EHMT2: variants seen among roughly 807,000 people sequenced by gnomAD.
EHMT2 encodes the protein histone-lysine N-methyltransferase EHMT2.
Under a neutral mutation model 143.3 loss-of-function variants are expected in EHMT2, and 59 were observed. The ratio of observed to expected loss-of-function variants is 0.41; its 90% confidence interval spans 0.33 to 0.51. EHMT2 has a LOEUF of 0.51. EHMT2 is among the 20% of genes least tolerant of loss of function. The pLI is 0.18. For missense variants in EHMT2, 1,174 were observed against 1,645.9 expected, an observed-to-expected ratio of 0.71 and a Z score of 4.96; for synonymous variants, 604 against 651.5, an observed-to-expected ratio of 0.93 and a Z score of 1.11.
At chr6:31,887,232 G>A (rs963375493) in intron 15 of EHMT2, 131 bp from the exon 16 acceptor site, 9 of 736,762 alleles carry the variant, frequency 1.2e-5, no homozygotes, top group Non-Finnish European at 2.0e-5. Context: ...GGCATTCTCC[G>A]AGCTTGCCTC....
Position 31,881,094 on chromosome 6 carries a change from T to C in EHMT2, c.3198-2A>G. Reference sequence around the variant, plus strand: ...TCAGAGATCAGCTCCCCGACATACCTGTGGGACAGGAATCCATGGTTCTGA... The same window carrying C: ...TCAGAGATCAGCTCCCCGACATACCCGTGGGACAGGAATCCATGGTTCTGA... On this transcript the variant is annotated splice_acceptor_variant, in intron 25 of 27. Coordinates refer to ENST00000375537, the Ensembl canonical transcript of EHMT2. LOFTEE classifies it high-confidence loss of function. This position sits in a 1 kb window ranked among gnomAD's most constrained non-coding sequence, Gnocchi z 4.8. 1 of 1,612,526 alleles carries C rather than the reference T, an allele frequency of 6.2e-7. No homozygotes were observed. Among genetic ancestry groups the C allele is most frequent in the Non-Finnish European group, 8.5e-7 (1 of 1,179,622 alleles).
In EHMT2 at chr6:31,880,843, T is replaced by G. The variant is rs760616726; in HGVS notation, c.3282A>C (p.Gly1094=). 18 of 1,613,518 alleles carry G rather than the reference T, an allele frequency of 1.1e-5. No homozygotes were observed. The Admixed American group carries it at 3.0e-4, about 27-fold the overall frequency. Residue 1094 remains glycine, a synonymous_variant, in exon 27 of 28, where the codon GGA becomes GGC. Coordinates refer to ENST00000375537, the Ensembl canonical transcript of EHMT2. This position sits in a 1 kb window ranked among gnomAD's most constrained non-coding sequence, Gnocchi z 6.6. ...AACGGGCATCTATGCAGTACACCTC[T>G]CCATCCTGGGGCAGGGGGATGGCAC... is the stretch of plus-strand genomic sequence containing the variant.
intron 4 of EHMT2, chr6:31,893,191 G>A (rs1765927695): frequency 1.9e-6 from 1 of 523,780 alleles, no homozygotes; most frequent in African/African-American, 1.9e-5. Flanking sequence ...TTTTATATGT[G>A]GCCATATACA....
Position 31,883,692 on chromosome 6 carries a change from C to A in EHMT2, c.2916+114G>T, listed in dbSNP as rs2844458. 460,688 of 1,430,834 alleles carry A rather than the reference C, an allele frequency of 0.32. 80,984 individuals carry two copies. Among genetic ancestry groups the A allele is most frequent in the East Asian group, 0.53 (23,207 of 43,608 alleles). The allele number at this position is 1,430,834 out of a possible 1,614,324, so 88.6% of individuals were successfully genotyped here. Reference sequence around the variant, plus strand: ...GTGGGGATGCGACCCCACACCAGGGCTCCCTTTCAGCCAACCCTTCCTTGG... The same window carrying A: ...GTGGGGATGCGACCCCACACCAGGGATCCCTTTCAGCCAACCCTTCCTTGG... On this transcript the variant is annotated intron_variant, in intron 22 of 27. Coordinates refer to ENST00000375537, the Ensembl canonical transcript of EHMT2. The surrounding 1 kb of genome is among the most constrained non-coding windows in gnomAD (Gnocchi z 5.6).
chr6:31,896,881 G>T (rs751201146), intron 2 of EHMT2, 42 bp downstream of exon 2: 1 of 1,611,962 alleles, frequency 6.2e-7, no homozygotes, highest in South Asian at 1.1e-5. Flanking sequence ...TGTGTTTAGG[G>T]AAGGTGACGG....
rs762364621 is a variant in EHMT2, at chr6:31,880,064, A to G, written c.*20T>C. ...TGAGCTGTGGCCATCCATGCTGGGG[A>G]GAGAGGGTGTGGTCCGTTCTCATGT... On this transcript the variant is annotated 3_prime_UTR_variant, in exon 28 of 28. Coordinates refer to ENST00000375537, the Ensembl canonical transcript of EHMT2. This position sits in a 1 kb window ranked among gnomAD's most constrained non-coding sequence, Gnocchi z 6.6. 1.2e-6 allele frequency: 2 copies of G among 1,604,862 alleles called. No homozygotes were observed. Among genetic ancestry groups the G allele is most frequent in the Non-Finnish European group, 1.7e-6 (2 of 1,174,726 alleles).
At position 31,880,839 on chromosome 6, in the gene EHMT2, C is replaced by T; in HGVS notation, c.3286G>A (p.Val1096Met). Residue 1096 changes from valine to methionine, a missense_variant, in exon 27 of 28, where the codon GTG (valine) becomes ATG (methionine). Transcript: ENST00000375537. The surrounding 1 kb of genome is among the most constrained non-coding windows in gnomAD (Gnocchi z 6.6). ...TAGTAACGGGCATCTATGCAGTACA[C>T]CTCTCCATCCTGGGGCAGGGGGATG... is the stretch of plus-strand genomic sequence containing the variant. The T allele has an allele frequency of 6.2e-7, 1 of 1,613,734 alleles. No individual in the cohort carries two copies. The highest frequency in any genetic ancestry group is 8.5e-7 in the Non-Finnish European group (1 of 1,179,996).
In EHMT2 at chr6:31,896,598, C is replaced by A. The variant is rs558127772; in HGVS notation, c.328+8G>T. ...CCCACCAACCCCCCAGGCTACCCAG[C>A]CTCTCACCCAGCAGGATCCGGCCCC... On this transcript the variant is annotated splice_region_variant and intron_variant, in intron 3 of 27. Transcript: ENST00000375537. 3.7e-5 allele frequency: 58 copies of A among 1,586,414 alleles called. No homozygotes were observed. Among genetic ancestry groups the A allele is most frequent in the Non-Finnish European group, 5.0e-5 (58 of 1,166,478 alleles).
chr6:31,892,417 G>T, exon 7 of EHMT2: 1 of 1,612,878 alleles, frequency 6.2e-7, no homozygotes, highest in Non-Finnish European at 8.5e-7. Context: ...CTTGCTGTCG[G>T]AGTCCACGCG....
At chr6:31,892,340 A>G in intron 7 of EHMT2, 67 bp downstream of exon 7, 4 of 1,538,612 alleles carry the variant, frequency 2.6e-6, no homozygotes, top group Non-Finnish European at 3.5e-6. Flanking sequence ...GGGAACAAGG[A>G]GGACTGGACA....
intron 25 of EHMT2, among the ~76,000 whole-genome samples, 181 bp downstream of exon 25, chr6:31,882,518 T>C (rs1764238989): frequency 6.6e-6 from 1 of 151,214 alleles, no homozygotes; most frequent in African/African-American, 2.4e-5. Flanking sequence ...GCTGGGGGGA[T>C]GGGGGTCAGA....
intron 18 of EHMT2, chr6:31,886,031 A>G (rs9501598): frequency 0.065 from 9,944 of 152,090 alleles, 565 homozygotes; most frequent in African/African-American, 0.15. Flanking sequence ...AGCTTGCAGT[A>G]AGCTGTGATC....
exon 1 of EHMT2, chr6:31,897,652 G>A: frequency 8.6e-7 from 1 of 1,166,432 alleles, no homozygotes; most frequent in Non-Finnish European, 1.1e-6. Context: ...GGCCGCCGCC[G>A]CTGCAGCTCC....
At chr6:31,892,258 G>A in intron 7 of EHMT2, 149 bp downstream of exon 7, 1 of 870,846 alleles carries the variant, frequency 1.1e-6, no homozygotes. Flanking sequence ...CAAAAAAAAG[G>A]AGTTATAGAC....
Position 31,889,713 on chromosome 6 carries a change from G to A in EHMT2, c.865-111C>T, listed in dbSNP as rs1765441504. 5 of 1,378,394 alleles carry A rather than the reference G, an allele frequency of 3.6e-6. No homozygotes were observed. The highest frequency in any genetic ancestry group is 5.1e-6 in the Non-Finnish European group (5 of 988,668). The allele number at this position is 1,378,394 out of a possible 1,614,324, so 85.4% of individuals were successfully genotyped here. A position where few individuals can be genotyped will look rare whatever the true frequency, so the allele number is the denominator to read the frequency against. On this transcript the variant is annotated intron_variant, in intron 7 of 27. Transcript: ENST00000375537. This position sits in a 1 kb window ranked among gnomAD's most constrained non-coding sequence, Gnocchi z 5.1. Reference sequence around the variant, plus strand: ...CCGCCACTACCCACGGATGGCTGCTGGGGATAAGTGTGGGTAGCAGAGGAG... The same window carrying A: ...CCGCCACTACCCACGGATGGCTGCTAGGGATAAGTGTGGGTAGCAGAGGAG...
rs765112282 is a variant in EHMT2, at chr6:31,888,098, G to A, written c.1688C>T (p.Pro563Leu). ...ATCCTGGGACAGGGGTGGGGGTGCA[G>A]GAGCTGCAGTGCCGGCCGGTGGGGT... Residue 563 changes from proline (P) to leucine (L), a missense_variant, in exon 13 of 28, where the codon CCT becomes CTT. This residue lies in a region of EHMT2 where 608 missense variants were observed against 903.7 expected (regional missense o/e 0.67). Transcript: ENST00000375537. The surrounding 1 kb of genome is among the most constrained non-coding windows in gnomAD (Gnocchi z 7.4). 4.3e-6 allele frequency: 7 copies of A among 1,610,458 alleles called. No individual in the cohort carries two copies. The highest frequency in any genetic ancestry group is 1.7e-5 in the Admixed American group (1 of 59,796).
Position 31,880,016 on chromosome 6 carries a change from C to T in EHMT2, c.*68G>A, listed in dbSNP as rs1192050174. 1.9e-6 allele frequency: 3 copies of T among 1,550,358 alleles called. No homozygotes were observed. Among genetic ancestry groups the T allele is most frequent in the East Asian group, 4.6e-5 (2 of 43,668 alleles). ...AGCACCCCCAGGCATGGGCTGCGAG[C>T]AGCTGGTGGCAGAGGAGGCGGCTGA... On this transcript the variant is annotated 3_prime_UTR_variant, in exon 28 of 28. Transcript: ENST00000375537. This position sits in a 1 kb window ranked among gnomAD's most constrained non-coding sequence, Gnocchi z 6.6.
chr6:31,884,868 T>C lies in EHMT2; in HGVS notation c.2448+44A>G, dbSNP rs1280693574. 1.3e-6 allele frequency: 2 copies of C among 1,584,530 alleles called. No homozygotes were observed. Among genetic ancestry groups the C allele is most frequent in the African/African-American group, 1.3e-5 (1 of 74,450 alleles). On this transcript the variant is annotated intron_variant, in intron 19 of 27. Transcript: ENST00000375537. The surrounding 1 kb of genome is among the most constrained non-coding windows in gnomAD (Gnocchi z 7.3). Reference sequence around the variant, plus strand: ...CCCTTGAATCCAGCCTCCACCTTGCTCAGGGGCCTGGGGCTGCCCTACCTC... The same window carrying C: ...CCCTTGAATCCAGCCTCCACCTTGCCCAGGGGCCTGGGGCTGCCCTACCTC...
chr6:31,888,408 C>A lies in EHMT2; in HGVS notation c.1464G>T (p.Met488Ile). The change falls in exon 12 of 28, where the codon ATG (methionine) becomes ATT (isoleucine). Residue 488 changes from methionine (M) to isoleucine (I), a missense_variant. By Grantham distance (10) the Met-to-Ile change is conservative (BLOSUM62 1). Around this residue, in one of 6 missense-constraint regions of EHMT2, gnomAD observed 608 missense variants for 903.7 expected, o/e 0.67. Coordinates refer to ENST00000375537, the Ensembl canonical transcript of EHMT2. The surrounding 1 kb of genome is among the most constrained non-coding windows in gnomAD (Gnocchi z 7.4). ...AGCCCGGGCAGCAGTGGTGTTTGAC[C>A]ATGCGGGCGCGGTGGGTCTCACAGA... 1 of 1,612,852 alleles carries A rather than the reference C, an allele frequency of 6.2e-7. No individual in the cohort carries two copies. The highest frequency in any genetic ancestry group is 8.5e-7 in the Non-Finnish European group (1 of 1,179,930).
Sources: gnomAD v4.1 joint callset for allele counts (sites outside exome capture counted in the v4.1 genomes callset) on GRCh38, gnomAD v4.1.1 for gene constraint, gnomAD v4.1.1 regional missense constraint, Gnocchi (gnomAD v3.1) non-coding constraint, MANE v1.5 for transcripts, NCBI Gene and HGNC (gene_info 2026-07-23, HGNC 2026-07-21) for gene names.